Variants in FGF10 observed in about 807,000 individuals in gnomAD.
FGF10 encodes fibroblast growth factor 10.
A neutral mutation model predicts 19.8 loss-of-function variants in FGF10; 2 were observed. The observed-to-expected ratio is 0.10, with a 90% CI of 0.04 to 0.32. FGF10 has a LOEUF of 0.32. Ranked by LOEUF, FGF10 falls within the 10% of genes least tolerant of loss-of-function variation. The pLI is 1.00. For synonymous variants in FGF10, 112 were observed against 94.0 expected, an observed-to-expected ratio of 1.19 and a Z score of -1.10; for missense variants, 191 against 246.3, an observed-to-expected ratio of 0.78 and a Z score of 1.50.
At chr5:44,345,148 T>C (rs143328946) in intron 1 of FGF10, among the ~76,000 whole-genome samples, 6 of 151,986 alleles carry the variant, frequency 3.9e-5, no homozygotes, top group African/African-American at 1.2e-4. Flanking sequence ...ATAATGTAGG[T>C]ATAATGACCC....
intron 1 of FGF10, among the ~76,000 whole-genome samples, chr5:44,364,266 G>T (rs906237272): frequency 1.3e-5 from 2 of 151,836 alleles, no homozygotes; most frequent in African/African-American, 4.8e-5. Context: ...CCTCTGTGAG[G>T]TGACAGGCAT....
At chr5:44,310,676 G>T in intron 1 of FGF10, 146 bp from the exon 2 acceptor site, 2 of 647,468 alleles carry the variant, frequency 3.1e-6, no homozygotes, top group Admixed American at 2.5e-5. Flanking sequence ...AAGCAAACAA[G>T]CAAATCTTTT....
At chr5:44,374,538 A>G (rs767553951) in intron 1 of FGF10, among the ~76,000 whole-genome samples, 1 of 152,192 alleles carries the variant, frequency 6.6e-6, no homozygotes, top group Non-Finnish European at 1.5e-5. Context: ...ATGTAGTTCA[A>G]TACACTCATA....
At position 44,302,810 on chromosome 5, in the gene FGF10, T is replaced by C. The variant is rs1437338424; in HGVS notation, c.*2185A>G. Among the ~76,000 whole-genome samples, 1 of 152,210 alleles carries C rather than the reference T, an allele frequency of 6.6e-6. No homozygotes were observed. Among genetic ancestry groups the C allele is most frequent in the Non-Finnish European group, 1.5e-5 (1 of 68,032 alleles). On this transcript the variant is annotated 3_prime_UTR_variant, in exon 3 of 3. Transcript: ENST00000264664. ...GATGACTGTTTACACATAGTCTCTTTAGTAATCTAAATGTCTATGTGAAAT... is the reference window on the plus strand; with the variant it reads ...GATGACTGTTTACACATAGTCTCTTCAGTAATCTAAATGTCTATGTGAAAT...
chr5:44,357,371 T>C (rs1367479503), intron 1 of FGF10, among the ~76,000 whole-genome samples: 1 of 151,446 alleles, frequency 6.6e-6, no homozygotes, highest in Non-Finnish European at 1.5e-5. Flanking sequence ...GTTTTTTTCT[T>C]ATTAGTTTAT....
chr5:44,368,622 A>G (rs983169095), intron 1 of FGF10, among the ~76,000 whole-genome samples: 38 of 152,206 alleles, frequency 2.5e-4, no homozygotes, highest in African/African-American at 8.4e-4. Flanking sequence ...ATTTTTAAAA[A>G]TCTGTACAGA....
chr5:44,303,124 T>C lies in FGF10; in HGVS notation c.*1871A>G, dbSNP rs1031206707. On this transcript the variant is annotated 3_prime_UTR_variant, in exon 3 of 3. Transcript: ENST00000264664. ...AAGTTGGAAGCAAAGTATGATGAAA[T>C]GCAATTTAAACTATAAGCCAAAAGA... Among the ~76,000 whole-genome samples the C allele has an allele frequency of 6.6e-6, 1 of 152,172 alleles. No homozygotes were observed. The highest frequency in any genetic ancestry group is 1.5e-5 in the Non-Finnish European group (1 of 68,016).
In FGF10 at chr5:44,388,910, C is replaced by G; in HGVS notation, c.-228G>C. 1 of 598,924 alleles carries G rather than the reference C, an allele frequency of 1.7e-6. No individual in the cohort carries two copies. The highest frequency in any genetic ancestry group is 3.0e-6 in the Non-Finnish European group (1 of 332,658). 37.1% of individuals were successfully genotyped at this position (598,924 alleles called of 1,614,324 possible). ...TCCGCTGCCTACGCCTCTGGAGCCT[C>G]CCGGTAAATGGTGGACGTGGGTGGC... On this transcript the variant is annotated 5_prime_UTR_variant, in exon 1 of 3. Coordinates refer to ENST00000264664, the MANE Select transcript of FGF10 (RefSeq NM_004465.2).
At chr5:44,314,987 G>A (rs181747803) in intron 1 of FGF10, among the ~76,000 whole-genome samples, 335 of 152,172 alleles carry the variant, frequency 2.2e-3, no homozygotes, top group Non-Finnish European at 3.1e-3. Flanking sequence ...TCCACTCCTA[G>A]ATAAATAGAA....
intron 1 of FGF10, among the ~76,000 whole-genome samples, chr5:44,320,389 G>A (rs1311887284): frequency 6.6e-6 from 1 of 152,116 alleles, no homozygotes; most frequent in African/African-American, 2.4e-5. Context: ...GTTTTGGTAA[G>A]CCCTCAAGCT....
intron 1 of FGF10, among the ~76,000 whole-genome samples, chr5:44,318,524 G>C: frequency 6.6e-6 from 1 of 152,100 alleles, no homozygotes; most frequent in East Asian, 1.9e-4. Context: ...AAAATCCCAA[G>C]GGAATCTTTG....
intron 1 of FGF10, among the ~76,000 whole-genome samples, chr5:44,356,298 T>C (rs1372189123): frequency 6.6e-6 from 1 of 151,410 alleles, no homozygotes; most frequent in African/African-American, 2.4e-5. Flanking sequence ...CCAACTCACT[T>C]TGTCCCCATT....
chr5:44,382,846 T>C (rs1174970407), intron 1 of FGF10, among the ~76,000 whole-genome samples: 1 of 152,096 alleles, frequency 6.6e-6, no homozygotes, highest in African/African-American at 2.4e-5. Flanking sequence ...AATTCTAATA[T>C]TTTACTTATA....
At chr5:44,313,296 C>T (rs1374341759) in intron 1 of FGF10, among the ~76,000 whole-genome samples, 1 of 151,920 alleles carries the variant, frequency 6.6e-6, no homozygotes, top group African/African-American at 2.4e-5. Context: ...AGGACTGAAG[C>T]CTAGAGGACT....
intron 1 of FGF10, among the ~76,000 whole-genome samples, chr5:44,364,962 G>T (rs1005218388): frequency 6.6e-6 from 1 of 151,874 alleles, no homozygotes; most frequent in Admixed American, 6.6e-5. Flanking sequence ...GAGCTAAAAT[G>T]AGAGAATAAG....
rs571673145 is a variant in FGF10 at position 44,334,840 on chromosome 5, C to G, written c.326-24310G>C. Among the ~76,000 whole-genome samples the G allele has an allele frequency of 3.3e-5, 5 of 152,076 alleles. No homozygotes were observed. In the East Asian group the frequency reaches 9.7e-4, roughly 30 times the overall value. On this transcript the variant is annotated intron_variant, in intron 1 of 2. Transcript: ENST00000264664. ...AATAAAGATACTTGCATAAACAAGC[C>G]CAGGAAAGGCTCAGTGGAAATTGAT... is the stretch of plus-strand genomic sequence containing the variant.
chr5:44,310,457 G>A lies in FGF10; in HGVS notation c.399C>T (p.Ala133=). 6.8e-6 allele frequency: 11 copies of A among 1,612,018 alleles called. No individual in the cohort carries two copies. Among genetic ancestry groups the A allele is most frequent in the Non-Finnish European group, 9.3e-6 (11 of 1,178,554 alleles). Residue 133 remains alanine, a synonymous_variant, in exon 2 of 3, where the codon GCC becomes GCT. Coordinates refer to ENST00000264664, the MANE Select transcript of FGF10 (RefSeq NM_004465.2). The stretch of plus-strand genomic sequence containing the variant: ...CATAGAGTTTCCCCTTCTTGTTCAT[G>A]GCTAAGTAATAGTTGCTGTTAATGG... ...VKAINSNYYL[A]MNKKGKLYGS... is the part of the protein sequence containing the mutation.
At chr5:44,310,793 T>A (rs1033313628) in intron 1 of FGF10, among the ~76,000 whole-genome samples, 1 of 152,080 alleles carries the variant, frequency 6.6e-6, no homozygotes, top group Non-Finnish European at 1.5e-5. Context: ...ACATAGAAAA[T>A]ATTGTTTTAA....
At chr5:44,359,562 G>T (rs1561213850) in intron 1 of FGF10, among the ~76,000 whole-genome samples, 1 of 151,450 alleles carries the variant, frequency 6.6e-6, no homozygotes, top group Non-Finnish European at 1.5e-5. Context: ...CTGGGCTAAA[G>T]TGTTAAATTA....
Sources: allele counts gnomAD v4.1 joint callset (sites outside exome capture counted in the v4.1 genomes callset), GRCh38; gene constraint gnomAD v4.1.1; transcripts MANE v1.5; gene names NCBI Gene and HGNC (gene_info 2026-07-23, HGNC 2026-07-21).